Variants in PHTF2 observed in about 807,000 individuals in gnomAD.
The protein encoded by PHTF2 is putative homeodomain transcription factor 2.
A neutral mutation model predicts 101.2 loss-of-function variants in PHTF2; 60 were observed. That is an observed-to-expected ratio of 0.59 (90% confidence interval 0.48 to 0.73). PHTF2 has a LOEUF of 0.73. Ranked by LOEUF, PHTF2 falls within the 30% of genes least tolerant of loss-of-function variation. PHTF2 has a pLI of 0.00. For missense variants in PHTF2, 747 were observed against 908.7 expected, an observed-to-expected ratio of 0.82 and a Z score of 2.29; for synonymous variants, 311 against 307.3, an observed-to-expected ratio of 1.01 and a Z score of -0.13.
chr7:77,924,080 T>C, intron 11 of PHTF2: 5 of 963,992 alleles, frequency 5.2e-6, no homozygotes, highest in Non-Finnish European at 6.2e-6. Context: ...TTTTAAAAGC[T>C]GCATTCAGTT....
At chr7:77,924,095 A>G (rs1033098194) in intron 11 of PHTF2, 16 of 965,348 alleles carry the variant, frequency 1.7e-5, no homozygotes, top group African/African-American at 3.5e-5. Flanking sequence ...TCAGTTCTCA[A>G]AAATTTTTAC....
intron 12 of PHTF2, among the ~76,000 whole-genome samples, chr7:77,933,709 G>GTTT (rs1157738956): frequency 7.9e-6 from 1 of 127,274 alleles, no homozygotes; most frequent in African/African-American, 3.4e-5. Flanking sequence ...CAGGGACCAT[G>GTTT]TGTTTTTTTT....
At chr7:77,888,918 A>G (rs547982986) in intron 3 of PHTF2, among the ~76,000 whole-genome samples, 1 of 152,328 alleles carries the variant, frequency 6.6e-6, no homozygotes, top group South Asian at 2.1e-4. Context: ...GGGAAAGTGC[A>G]TTATTCGTGT....
chr7:77,823,137 C>G (rs1794436330), intron 1 of PHTF2, among the ~76,000 whole-genome samples: 1 of 151,984 alleles, frequency 6.6e-6, no homozygotes, highest in African/African-American at 2.4e-5. Context: ...ATCTCCTGAC[C>G]TCGTGATCCA....
chr7:77,824,738 A>C (rs1794574721), intron 1 of PHTF2, among the ~76,000 whole-genome samples: 1 of 152,184 alleles, frequency 6.6e-6, no homozygotes, highest in South Asian at 2.1e-4. Flanking sequence ...CTTAAATGTT[A>C]AAAGAAGTAA....
intron 1 of PHTF2, among the ~76,000 whole-genome samples, chr7:77,820,398 C>G (rs1260865074): frequency 6.6e-6 from 1 of 152,074 alleles, no homozygotes; most frequent in Non-Finnish European, 1.5e-5. Context: ...GTCTCCCAGG[C>G]CAGAGTGCAC....
intron 17 of PHTF2, among the ~76,000 whole-genome samples, chr7:77,950,282 A>G (rs1350400099): frequency 6.6e-6 from 1 of 152,206 alleles, no homozygotes; most frequent in Admixed American, 6.5e-5. Flanking sequence ...TTAGTTAGGG[A>G]TAGTTTGATT....
chr7:77,943,172 G>A (rs1805773979), intron 16 of PHTF2, among the ~76,000 whole-genome samples: 1 of 152,180 alleles, frequency 6.6e-6, no homozygotes, highest in African/African-American at 2.4e-5. Context: ...CGCAGGCGGA[G>A]TGCAGTGGCG....
chr7:77,852,254 G>A (rs563990293), intron 2 of PHTF2, among the ~76,000 whole-genome samples: 7 of 152,348 alleles, frequency 4.6e-5, no homozygotes, highest in African/African-American at 1.7e-4. Flanking sequence ...CACTTTCGGA[G>A]GCTGAGGCAG....
At chr7:77,893,960 A>T (rs768756042) in intron 4 of PHTF2, 22 bp from the exon 4 acceptor site, 22 of 1,582,686 alleles carry the variant, frequency 1.4e-5, no homozygotes, top group Non-Finnish European at 1.6e-5. Context: ...CTCCCTTTTG[A>T]TGCTGTCATT....
chr7:77,813,981 A>G (rs1793645496), intron 1 of PHTF2, among the ~76,000 whole-genome samples: 1 of 152,226 alleles, frequency 6.6e-6, no homozygotes, highest in Non-Finnish European at 1.5e-5. Context: ...CCTCATTTTT[A>G]AAATGACCTG....
chr7:77,875,845 C>T (rs1434069338), intron 3 of PHTF2, among the ~76,000 whole-genome samples: 1 of 152,152 alleles, frequency 6.6e-6, no homozygotes, highest in Non-Finnish European at 1.5e-5. Flanking sequence ...GCGTGAGAAA[C>T]CGTGCTGGGC....
intron 9 of PHTF2, among the ~76,000 whole-genome samples, chr7:77,912,124 G>A (rs549281422): frequency 6.6e-6 from 1 of 152,330 alleles, no homozygotes; most frequent in East Asian, 1.9e-4. Context: ...CTTATCAAAT[G>A]AGATAGAGAC....
chr7:77,887,399 G>C (rs1172711500), intron 3 of PHTF2, among the ~76,000 whole-genome samples: 1 of 150,848 alleles, frequency 6.6e-6, no homozygotes, highest in Non-Finnish European at 1.5e-5. Context: ...ACTGCTTTCA[G>C]GTTGCTGTTC....
intron 1 of PHTF2, among the ~76,000 whole-genome samples, chr7:77,823,453 TC>T (rs1327002423): frequency 3.9e-5 from 6 of 152,166 alleles, no homozygotes; most frequent in Admixed American, 1.3e-4. Flanking sequence ...TGTCTTGACC[TC>T]GTGATCCACC....
intron 2 of PHTF2, among the ~76,000 whole-genome samples, chr7:77,853,348 C>T (rs925810394): frequency 3.3e-5 from 5 of 151,500 alleles, no homozygotes; most frequent in Non-Finnish European, 7.4e-5. Flanking sequence ...CTGCTGTTGA[C>T]AGACTTTGAT....
rs553661082 is a variant in PHTF2 at position 77,907,261 on chromosome 7, AT to A, written c.446-1523del. ...TTCATAACGATGATTGGCATTTTAA[AT>A]TTTTTTTTCTTATTACTTACAGTTA... On this transcript the variant is annotated intron_variant, in intron 7 of 19. Transcript: ENST00000416283. Among the ~76,000 whole-genome samples, 723 of 151,872 alleles carry A rather than the reference AT, an allele frequency of 4.8e-3. 9 individuals carry two copies. Among genetic ancestry groups the A allele is most frequent in the African/African-American group, 0.016 (674 of 41,424 alleles).
intron 5 of PHTF2, among the ~76,000 whole-genome samples, chr7:77,894,342 G>A (rs1800704168): frequency 6.6e-6 from 1 of 152,114 alleles, no homozygotes; most frequent in Admixed American, 6.5e-5. Flanking sequence ...ACTAATCAGT[G>A]TGTTTTTGCA....
intron 9 of PHTF2, among the ~76,000 whole-genome samples, chr7:77,914,724 A>G (rs1382977792): frequency 6.6e-6 from 1 of 152,194 alleles, no homozygotes; most frequent in African/African-American, 2.4e-5. Flanking sequence ...AAAATGGGAA[A>G]TGAAAGTCTG....
Sources: allele counts gnomAD v4.1 joint callset (sites outside exome capture counted in the v4.1 genomes callset), GRCh38; gene constraint gnomAD v4.1.1; transcripts MANE v1.5; gene names NCBI Gene and HGNC (gene_info 2026-07-23, HGNC 2026-07-21).